UEVLD: variants seen among roughly 807,000 people sequenced by gnomAD.
UEVLD encodes ubiquitin-conjugating enzyme E2 variant 3.
UEVLD carries 47 observed loss-of-function variants against 58.6 expected under a neutral mutation model. That is an observed-to-expected ratio of 0.80 (90% confidence interval 0.63 to 1.02). The LOEUF (loss-of-function observed/expected upper bound fraction) is 1.02. Ranked by LOEUF, UEVLD falls within the 50% of genes least tolerant of loss-of-function variation. The pLI is 0.00. For synonymous variants in UEVLD, 197 were observed against 195.3 expected (o/e 1.01, Z -0.07); for missense variants, 510 against 550.6 (o/e 0.93, Z 0.74).
intron 7 of UEVLD, among the ~76,000 whole-genome samples, chr11:18,550,905 G>T (rs935948026): frequency 1.4e-4 from 22 of 152,078 alleles, no homozygotes; most frequent in African/African-American, 5.1e-4. Flanking sequence ...ATATATAAGG[G>T]GAAATAGCTT....
rs201123462 is a variant in UEVLD, at chr11:18,570,202, A to G, written c.357+12T>C. On this transcript the variant is annotated intron_variant, in intron 4 of 11. Coordinates refer to ENST00000396197, the MANE Select transcript of UEVLD (RefSeq NM_001040697.4). Reference sequence around the variant, plus strand: ...AAAAAAGCTTTCTGTAGAAAATCCAAATTGATCTTACATGGCTCCAGTTTT... The same window carrying G: ...AAAAAAGCTTTCTGTAGAAAATCCAGATTGATCTTACATGGCTCCAGTTTT... 5.7e-6 allele frequency: 9 copies of G among 1,573,342 alleles called. No individual in the cohort carries two copies. Among genetic ancestry groups the G allele is most frequent in the Non-Finnish European group, 7.7e-6 (9 of 1,167,734 alleles).
intron 9 of UEVLD, among the ~76,000 whole-genome samples, chr11:18,543,067 A>AT: frequency 6.6e-6 from 1 of 151,238 alleles, no homozygotes; most frequent in East Asian, 1.9e-4. Context: ...TAATTTTTGT[A>AT]TTTTTAGTAG....
intron 8 of UEVLD, among the ~76,000 whole-genome samples, chr11:18,545,062 ATCTATATCTATATTTTTTTT>A (rs1565113417): frequency 3.4e-5 from 1 of 29,644 alleles, no homozygotes; most frequent in Admixed American, 5.4e-4. Flanking sequence ...CTATATCTAT[ATCTATATCTATATTTTTTTT>A]TTTTTTTTGA....
chr11:18,542,653 T>G (rs1851104251), intron 9 of UEVLD, among the ~76,000 whole-genome samples: 1 of 152,080 alleles, frequency 6.6e-6, no homozygotes, highest in African/African-American at 2.4e-5. Context: ...CACAGAAAAC[T>G]ATAAATTTTT....
chr11:18,571,981 A>T (rs1375117367), intron 3 of UEVLD, among the ~76,000 whole-genome samples: 2 of 152,220 alleles, frequency 1.3e-5, no homozygotes, highest in African/African-American at 4.8e-5. Context: ...TCACGTCTGT[A>T]ATCCCAGCAC....
intron 9 of UEVLD, among the ~76,000 whole-genome samples, chr11:18,542,932 G>A (rs558973017): frequency 3.1e-5 from 4 of 129,126 alleles, no homozygotes; most frequent in African/African-American, 5.7e-5. Flanking sequence ...TCACTCTGTC[G>A]CCCAGACTGG....
At chr11:18,580,818 G>A (rs1259587940) in intron 1 of UEVLD, among the ~76,000 whole-genome samples, 1 of 152,104 alleles carries the variant, frequency 6.6e-6, no homozygotes, top group South Asian at 2.1e-4. Flanking sequence ...GAAGAGGATT[G>A]CTAGTGGATC....
chr11:18,543,040 G>A (rs1372573031), intron 9 of UEVLD, among the ~76,000 whole-genome samples: 8 of 151,826 alleles, frequency 5.3e-5, no homozygotes, highest in Non-Finnish European at 8.8e-5. Context: ...CTACAGGCAC[G>A]TGCTGCCATG....
intron 9 of UEVLD, among the ~76,000 whole-genome samples, chr11:18,543,914 A>T (rs1851171468): frequency 6.6e-6 from 1 of 152,210 alleles, no homozygotes; most frequent in South Asian, 2.1e-4. Context: ...GTTTAAAAAG[A>T]AGCAGACAGA....
rs1850800759 is a variant in UEVLD, at chr11:18,536,481, T to C, written c.1061-12A>G. 2 of 1,610,892 alleles carry C rather than the reference T, an allele frequency of 1.2e-6. No individual in the cohort carries two copies. The highest frequency in any genetic ancestry group is 1.1e-5 in the South Asian group (1 of 91,030). On this transcript the variant is annotated splice_polypyrimidine_tract_variant and intron_variant, in intron 9 of 11. Coordinates refer to ENST00000396197, the MANE Select transcript of UEVLD (RefSeq NM_001040697.4). The stretch of plus-strand genomic sequence containing the variant: ...ACTCCATGTGAGCACTAAAATTAGA[T>C]GAAGAATTAATTATGTTTTGCCAGT...
chr11:18,537,451 C>T (rs1225748331), intron 9 of UEVLD, among the ~76,000 whole-genome samples: 60 of 151,258 alleles, frequency 4.0e-4, no homozygotes, highest in Admixed American at 2.6e-4. Context: ...CTGCCTCAGC[C>T]TCCTGAGTAG....
intron 7 of UEVLD, among the ~76,000 whole-genome samples, chr11:18,554,826 G>A (rs1851689043): frequency 6.6e-6 from 1 of 152,040 alleles, no homozygotes. Context: ...AAATGTTATA[G>A]TAGCTATTAA....
At chr11:18,551,422 CAAAA>C (rs34545423) in intron 7 of UEVLD, among the ~76,000 whole-genome samples, 20 of 67,362 alleles carry the variant, frequency 3.0e-4, no homozygotes, top group African/African-American at 1.1e-3. Context: ...GACTCCATCA[CAAAA>C]AAAAAAAAAA....
At chr11:18,559,979 G>A (rs117715691) in intron 6 of UEVLD, among the ~76,000 whole-genome samples, 3,814 of 151,828 alleles carry the variant, frequency 0.025, 93 homozygotes, top group Non-Finnish European at 0.032. Flanking sequence ...AACCCTGGCT[G>A]GGCACGGTGG....
At chr11:18,576,489 G>A (rs1852917016) in intron 2 of UEVLD, among the ~76,000 whole-genome samples, 1 of 151,888 alleles carries the variant, frequency 6.6e-6, no homozygotes, top group Non-Finnish European at 1.5e-5. Context: ...TCACACCACT[G>A]TACTCCAGCC....
At chr11:18,541,513 G>A (rs1158789398) in intron 9 of UEVLD, among the ~76,000 whole-genome samples, 1 of 152,176 alleles carries the variant, frequency 6.6e-6, no homozygotes, top group Non-Finnish European at 1.5e-5. Context: ...TTTCCAGTGT[G>A]AATGTACTAC....
chr11:18,580,747 T>C (rs1399977443), intron 1 of UEVLD, among the ~76,000 whole-genome samples: 1 of 151,584 alleles, frequency 6.6e-6, no homozygotes, highest in Non-Finnish European at 1.5e-5. Flanking sequence ...AACTGGCAAA[T>C]ACATAGAAAC....
At chr11:18,580,336 C>T (rs1007042482) in intron 1 of UEVLD, among the ~76,000 whole-genome samples, 1 of 152,052 alleles carries the variant, frequency 6.6e-6, no homozygotes, top group African/African-American at 2.4e-5. Context: ...TACTACATGA[C>T]TGAGCAATTA....
At chr11:18,544,915 T>C (rs905572936) in intron 8 of UEVLD, 119 bp from the exon 9 acceptor site, 4 of 559,590 alleles carry the variant, frequency 7.1e-6, no homozygotes, top group Non-Finnish European at 1.2e-5. Flanking sequence ...TGAGGCATTA[T>C]ATGTATATAT....
Sources: allele counts gnomAD v4.1 joint callset (sites outside exome capture counted in the v4.1 genomes callset), GRCh38; gene constraint gnomAD v4.1.1; transcripts MANE v1.5; gene names NCBI Gene and HGNC (gene_info 2026-07-23, HGNC 2026-07-21).